Variants in KDM4C observed in about 807,000 individuals in gnomAD.
KDM4C encodes lysine-specific demethylase 4C.
In KDM4C, 81 loss-of-function variants were observed where a neutral mutation model predicts 129.3. That is an observed-to-expected ratio of 0.63 (90% confidence interval 0.52 to 0.75). The LOEUF (loss-of-function observed/expected upper bound fraction) is 0.75, where lower values mean the gene tolerates loss of function less well. Ranked by LOEUF, KDM4C falls within the 30% of genes least tolerant of loss-of-function variation. The probability of loss-of-function intolerance (pLI) is 0.00; values close to 1 mark genes in which losing one functional copy is unlikely to be tolerated. For synonymous variants in KDM4C, 573 were observed against 456.1 expected, an observed-to-expected ratio of 1.26 and a Z score of -3.26; for missense variants, 1,457 against 1,304.0, an observed-to-expected ratio of 1.12 and a Z score of -1.81.
At chr9:6,752,695 G>A (rs1026112324), upstream of KDM4C, among the ~76,000 whole-genome samples, 1 of 151,946 alleles carries the variant, frequency 6.6e-6, no homozygotes, top group African/African-American at 2.4e-5. Flanking sequence ...AAGCCACCGC[G>A]CTCAGCCTAA....
chr9:6,925,328 C>G (rs1007120429), intron 8 of KDM4C: 109 of 985,236 alleles, frequency 1.1e-4, no homozygotes, highest in Non-Finnish European at 1.2e-4. Context: ...AAGCTTTCAT[C>G]AGTTGGGCGT....
intron 17 of KDM4C, among the ~76,000 whole-genome samples, chr9:7,051,625 A>C (rs1052737996): frequency 6.6e-6 from 1 of 152,106 alleles, no homozygotes; most frequent in East Asian, 1.9e-4. Context: ...CAGGTAAGCT[A>C]TTTTATTCTG....
intron 1 of KDM4C, among the ~76,000 whole-genome samples, chr9:6,721,603 T>C (rs79489906): frequency 1.6e-5 from 2 of 124,750 alleles, no homozygotes; most frequent in Non-Finnish European, 3.3e-5. Context: ...TTTTTTTTTT[T>C]CCTGAGACGG....
At chr9:6,879,946 G>C in intron 5 of KDM4C, 66 bp from the exon 6 acceptor site, 1 of 707,810 alleles carries the variant, frequency 1.4e-6, no homozygotes. Context: ...TTTAGGAATA[G>C]ATGTCCTTAG....
intron 15 of KDM4C, among the ~76,000 whole-genome samples, chr9:7,026,261 G>A (rs555548225): frequency 1.3e-4 from 20 of 151,750 alleles, no homozygotes; most frequent in African/African-American, 4.3e-4. Flanking sequence ...TGTAGGATAG[G>A]TATGATGTTT....
chr9:7,013,001 G>A (rs532516102), intron 13 of KDM4C, among the ~76,000 whole-genome samples: 125 of 152,010 alleles, frequency 8.2e-4, no homozygotes, highest in Non-Finnish European at 1.2e-3. Flanking sequence ...TTTTTAATGT[G>A]GCACTGGTGA....
intron 6 of KDM4C, among the ~76,000 whole-genome samples, chr9:6,883,093 C>A (rs546075774): frequency 6.6e-6 from 1 of 152,220 alleles, no homozygotes; most frequent in Non-Finnish European, 1.5e-5. Flanking sequence ...AGAAGAGCAG[C>A]AATAAATAAA....
At chr9:7,011,304 G>C (rs767323973) in intron 12 of KDM4C, among the ~76,000 whole-genome samples, 6 of 152,212 alleles carry the variant, frequency 3.9e-5, no homozygotes, top group Non-Finnish European at 2.9e-5. Flanking sequence ...TGGCAAAGTA[G>C]TTTCTGGACT....
At chr9:6,728,724 T>A (rs995800886) in intron 1 of KDM4C, among the ~76,000 whole-genome samples, 11 of 145,850 alleles carry the variant, frequency 7.5e-5, no homozygotes, top group African/African-American at 2.6e-4. Flanking sequence ...CGCATGCCTA[T>A]AATCCCAGCT....
intron 17 of KDM4C, among the ~76,000 whole-genome samples, chr9:7,057,758 G>A (rs894167211): frequency 6.6e-6 from 1 of 152,156 alleles, no homozygotes; most frequent in African/African-American, 2.4e-5. Flanking sequence ...TGTCATCTCC[G>A]AGGGAGCAGG....
At chr9:6,871,329 C>G (rs1842799121) in intron 5 of KDM4C, among the ~76,000 whole-genome samples, 1 of 152,088 alleles carries the variant, frequency 6.6e-6, no homozygotes. Flanking sequence ...AACTGCAGGG[C>G]TATATCTGTT....
chr9:6,851,446 G>A (rs188539131), intron 5 of KDM4C, among the ~76,000 whole-genome samples: 5 of 152,218 alleles, frequency 3.3e-5, no homozygotes, highest in Admixed American at 2.0e-4. Flanking sequence ...TTAGGCTCCT[G>A]GACAGTTTCT....
At chr9:6,947,468 T>C (rs1827180017) in intron 8 of KDM4C, among the ~76,000 whole-genome samples, 1 of 152,146 alleles carries the variant, frequency 6.6e-6, no homozygotes. Context: ...ACTACCAGTC[T>C]TCTTTCTTAT....
At chr9:6,816,936 A>G (rs1457392025) in intron 4 of KDM4C, among the ~76,000 whole-genome samples, 3 of 151,748 alleles carry the variant, frequency 2.0e-5, no homozygotes, top group Non-Finnish European at 2.9e-5. Flanking sequence ...CGTATGAGGT[A>G]GTAGCACAAT....
intron 2 of KDM4C, among the ~76,000 whole-genome samples, chr9:6,804,080 C>T (rs1829516675): frequency 6.6e-6 from 1 of 152,226 alleles, no homozygotes; most frequent in African/African-American, 2.4e-5. Flanking sequence ...ATCTTGGCCT[C>T]CCAAAGTGCT....
chr9:6,824,217 G>C (rs986853009), intron 4 of KDM4C, among the ~76,000 whole-genome samples: 3 of 152,182 alleles, frequency 2.0e-5, no homozygotes, highest in Non-Finnish European at 2.9e-5. Context: ...ATTTCTTTTC[G>C]TGGCTATTTC....
chr9:7,090,803 T>G (rs17456693), intron 17 of KDM4C, among the ~76,000 whole-genome samples: 24,804 of 152,270 alleles, frequency 0.16, 2,337 homozygotes, highest in South Asian at 0.33. Context: ...ATGTTTCCTG[T>G]GATATGTCCA....
intron 12 of KDM4C, among the ~76,000 whole-genome samples, chr9:7,001,043 C>T (rs541513233): frequency 7.4e-4 from 112 of 152,304 alleles, no homozygotes; most frequent in Non-Finnish European, 8.8e-4. Context: ...TCCAAGACTT[C>T]CAGCTAGTGA....
chr9:7,005,116 A>G (rs1220983785), intron 12 of KDM4C, among the ~76,000 whole-genome samples: 2 of 152,164 alleles, frequency 1.3e-5, no homozygotes, highest in African/African-American at 4.8e-5. Flanking sequence ...TTAAGCACCC[A>G]TGGTAGAACA....
Sources: allele counts gnomAD v4.1 joint callset (sites outside exome capture counted in the v4.1 genomes callset), GRCh38; gene constraint gnomAD v4.1.1; transcripts MANE v1.5; gene names NCBI Gene and HGNC (gene_info 2026-07-23, HGNC 2026-07-21).